PNLIPRP3: variants seen among roughly 807,000 people sequenced by gnomAD.
PNLIPRP3 encodes pancreatic lipase-related protein 3.
PNLIPRP3 carries 58 observed loss-of-function variants against 52.8 expected under a neutral mutation model. The ratio of observed to expected loss-of-function variants is 1.10; its 90% confidence interval spans 0.89 to 1.37. PNLIPRP3 has a LOEUF of 1.37. Ranked by LOEUF, PNLIPRP3 falls within the 40% of genes most tolerant of loss-of-function variation. The pLI is 0.00. For missense variants in PNLIPRP3, 593 were observed against 561.6 expected (o/e 1.06, Z -0.57); for synonymous variants, 192 against 185.0 (o/e 1.04, Z -0.31).
At chr10:116,438,665 G>T (rs1845812594) in intron 2 of PNLIPRP3, among the ~76,000 whole-genome samples, 1 of 152,158 alleles carries the variant, frequency 6.6e-6, no homozygotes, top group African/African-American at 2.4e-5. Flanking sequence ...CTGATTGTTT[G>T]CTGTTAAAGT....
intron 9 of PNLIPRP3, 108 bp from the exon 10 acceptor site, chr10:116,471,660 C>T (rs961344277): frequency 2.3e-6 from 2 of 885,114 alleles, no homozygotes; most frequent in Non-Finnish European, 3.7e-6. Flanking sequence ...CAGCACTGTT[C>T]AAATACAACC....
intron 10 of PNLIPRP3, among the ~76,000 whole-genome samples, chr10:116,474,753 C>T (rs1846432752): frequency 6.6e-6 from 1 of 152,044 alleles, no homozygotes; most frequent in Non-Finnish European, 1.5e-5. Flanking sequence ...CAATAAGATA[C>T]CATCTCACAC....
chr10:116,443,030 C>G, intron 2 of PNLIPRP3, 25 bp from the exon 3 acceptor site: 1 of 1,496,478 alleles, frequency 6.7e-7, no homozygotes, highest in Non-Finnish European at 9.0e-7. Flanking sequence ...ATTATTTTTC[C>G]TTAATCTCTT....
chr10:116,454,278 C>T (rs1189809992), intron 4 of PNLIPRP3, among the ~76,000 whole-genome samples: 2 of 152,104 alleles, frequency 1.3e-5, no homozygotes, highest in African/African-American at 4.8e-5. Context: ...ACCACCACGA[C>T]TGGCTAATTT....
intron 5 of PNLIPRP3, among the ~76,000 whole-genome samples, chr10:116,456,462 T>G (rs1477360108): frequency 6.6e-6 from 1 of 152,142 alleles, no homozygotes; most frequent in Non-Finnish European, 1.5e-5. Flanking sequence ...TATGGACAAC[T>G]ATTATATATC....
intron 1 of PNLIPRP3, among the ~76,000 whole-genome samples, chr10:116,432,536 T>C (rs1291577131): frequency 6.6e-6 from 1 of 152,078 alleles, no homozygotes; most frequent in Non-Finnish European, 1.5e-5. Flanking sequence ...AAAATATAAG[T>C]AGAAGTGAAT....
chr10:116,436,918 C>T, intron 2 of PNLIPRP3, 53 bp downstream of exon 2: 2 of 1,475,260 alleles, frequency 1.4e-6, no homozygotes, highest in South Asian at 1.4e-5. Flanking sequence ...ATAAGATTTG[C>T]CTATAGATAC....
chr10:116,470,073 A>C (rs1846342952), intron 9 of PNLIPRP3, among the ~76,000 whole-genome samples: 1 of 152,114 alleles, frequency 6.6e-6, no homozygotes, highest in Non-Finnish European at 1.5e-5. Flanking sequence ...AAAAGCAAGG[A>C]GTCAAGGACA....
chr10:116,432,483 T>C (rs1158739596), intron 1 of PNLIPRP3, among the ~76,000 whole-genome samples: 3 of 151,758 alleles, frequency 2.0e-5, no homozygotes, highest in African/African-American at 4.8e-5. Context: ...AAGTGGAAAA[T>C]AAAATAAGTA....
At chr10:116,455,078 G>A (rs1226909686) in intron 4 of PNLIPRP3, among the ~76,000 whole-genome samples, 3 of 152,178 alleles carry the variant, frequency 2.0e-5, no homozygotes, top group African/African-American at 7.2e-5. Flanking sequence ...TCTAACAGAT[G>A]TGAGGTGATA....
chr10:116,445,192 G>A (rs898691392), intron 4 of PNLIPRP3, among the ~76,000 whole-genome samples: 4 of 152,174 alleles, frequency 2.6e-5, no homozygotes, highest in African/African-American at 9.7e-5. Context: ...GATATGACTT[G>A]TAAGTAAGAC....
chr10:116,443,544 T>C (rs541539707), intron 3 of PNLIPRP3, among the ~76,000 whole-genome samples: 3 of 150,504 alleles, frequency 2.0e-5, no homozygotes, highest in African/African-American at 7.3e-5. Flanking sequence ...AGTTAAATAT[T>C]TATAAGGCCA....
intron 1 of PNLIPRP3, among the ~76,000 whole-genome samples, chr10:116,433,987 T>C (rs906658878): frequency 6.6e-6 from 1 of 152,236 alleles, no homozygotes; most frequent in Non-Finnish European, 1.5e-5. Context: ...AAGGGTTCAA[T>C]TATTTTCCTG....
intron 1 of PNLIPRP3, among the ~76,000 whole-genome samples, chr10:116,435,911 G>A (rs990195851): frequency 7.9e-5 from 12 of 152,194 alleles, no homozygotes; most frequent in Non-Finnish European, 2.9e-5. Context: ...AACAAAGCTG[G>A]AAGCAGCACA....
rs113702719 is a variant in PNLIPRP3, at chr10:116,473,796, T to C, written c.1172+1917T>C. ...TCGGCCTCCCAAAATACTGGTATTA[T>C]AGGCCTGAGCCACCGCACCTGGCCA... On this transcript the variant is annotated intron_variant, in intron 10 of 11. Transcript: ENST00000369230. Among the ~76,000 whole-genome samples the C allele has an allele frequency of 2.6e-3, 401 of 152,212 alleles. 3 individuals carry two copies. Among genetic ancestry groups the C allele is most frequent in the African/African-American group, 9.3e-3 (386 of 41,530 alleles).
At chr10:116,461,416 A>G (rs1211731465) in intron 7 of PNLIPRP3, 126 bp downstream of exon 7, 19 of 1,192,652 alleles carry the variant, frequency 1.6e-5, no homozygotes, top group Non-Finnish European at 2.2e-5. Flanking sequence ...ACACAGTTGC[A>G]TATAAGAAGC....
chr10:116,471,087 T>C (rs888850397), intron 9 of PNLIPRP3, among the ~76,000 whole-genome samples: 1 of 152,216 alleles, frequency 6.6e-6, no homozygotes, highest in Non-Finnish European at 1.5e-5. Context: ...CCCTTTCAAT[T>C]ATTTTCAAAT....
intron 10 of PNLIPRP3, among the ~76,000 whole-genome samples, chr10:116,473,313 T>A (rs1202114951): frequency 2.6e-5 from 4 of 152,184 alleles, no homozygotes; most frequent in African/African-American, 9.7e-5. Context: ...TGCTCATGGA[T>A]AGGCAGAATC....
At chr10:116,438,747 CAT>C (rs780395502) in intron 2 of PNLIPRP3, among the ~76,000 whole-genome samples, 4 of 152,142 alleles carry the variant, frequency 2.6e-5, no homozygotes, top group Non-Finnish European at 4.4e-5. Flanking sequence ...AGGCCTGACC[CAT>C]ATGTTATATG....
Sources: gnomAD v4.1 joint callset for allele counts (sites outside exome capture counted in the v4.1 genomes callset) on GRCh38, gnomAD v4.1.1 for gene constraint, MANE v1.5 for transcripts, NCBI Gene and HGNC (gene_info 2026-07-23, HGNC 2026-07-21) for gene names.